The following DAB1 variants were observed in gnomAD, a reference collection of about 807,000 sequenced individuals.
DAB1 encodes the protein DAB adaptor protein 1.
In DAB1, 15 loss-of-function variants were observed where a neutral mutation model predicts 64.6. That is an observed-to-expected ratio of 0.23 (90% CI 0.16 to 0.36). The LOEUF is 0.36. Ranked by LOEUF, DAB1 falls within the 10% of genes least tolerant of loss-of-function variation. DAB1 has a pLI of 1.00. For synonymous variants in DAB1, 235 were observed against 251.9 expected (o/e 0.93, Z 0.64); for missense variants, 596 against 706.7 (o/e 0.84, Z 1.78).
intron 2 of DAB1, among the ~76,000 whole-genome samples, chr1:57,224,649 C>T: frequency 6.6e-6 from 1 of 152,226 alleles, no homozygotes; most frequent in East Asian, 1.9e-4. Context: ...TTCCCTTCAT[C>T]CTGGTTAACG....
intron 7 of DAB1, among the ~76,000 whole-genome samples, chr1:57,472,012 T>G (rs1172315300): frequency 6.6e-6 from 1 of 152,188 alleles, no homozygotes; most frequent in African/African-American, 2.4e-5. Context: ...GGAGAAAGAA[T>G]GATAGCAGTT....
At chr1:57,234,947 G>A (rs763074425) in intron 2 of DAB1, among the ~76,000 whole-genome samples, 2 of 152,156 alleles carry the variant, frequency 1.3e-5, no homozygotes, top group Admixed American at 1.3e-4. Flanking sequence ...TGTCTCTGAC[G>A]TCCTCTTATA....
chr1:57,712,646 T>C (rs1006684109), intron 6 of DAB1, among the ~76,000 whole-genome samples: 4 of 152,230 alleles, frequency 2.6e-5, no homozygotes, highest in African/African-American at 9.6e-5. Flanking sequence ...ATATAGTACA[T>C]GGGTAATTGT....
intron 1 of DAB1, chr1:58,534,114 C>G (rs1646479457): frequency 2.3e-6 from 2 of 867,034 alleles, no homozygotes; most frequent in Non-Finnish European, 4.0e-6. Flanking sequence ...AAAATAAGGA[C>G]AATAAATTTA....
chr1:57,012,335 T>G (rs764248988), intron 12 of DAB1, among the ~76,000 whole-genome samples: 1 of 152,238 alleles, frequency 6.6e-6, no homozygotes, highest in Non-Finnish European at 1.5e-5. Flanking sequence ...GCACTTCCCA[T>G]TCATTATACA....
chr1:57,066,747 C>A (rs562134188), intron 8 of DAB1, among the ~76,000 whole-genome samples: 54 of 152,262 alleles, frequency 3.5e-4, no homozygotes, highest in African/African-American at 1.3e-3. Flanking sequence ...TACTATGAAC[C>A]AACTGCTCTC....
intron 5 of DAB1, among the ~76,000 whole-genome samples, chr1:57,915,052 A>G (rs1253267141): frequency 6.6e-6 from 1 of 151,932 alleles, no homozygotes; most frequent in Non-Finnish European, 1.5e-5. Flanking sequence ...AGCGAGGGCA[A>G]TTATAGAACT....
intron 1 of DAB1, among the ~76,000 whole-genome samples, chr1:57,828,003 T>C (rs966193684): frequency 6.6e-6 from 1 of 152,220 alleles, no homozygotes; most frequent in Admixed American, 6.5e-5. Context: ...TGGAGTGCAG[T>C]GGTGCGATCT....
chr1:58,408,973 T>G (rs1228217452), intron 3 of DAB1, among the ~76,000 whole-genome samples: 1 of 152,234 alleles, frequency 6.6e-6, no homozygotes, highest in East Asian at 1.9e-4. Context: ...ATACAAATCC[T>G]GTCTTCAGGA....
chr1:57,375,931 G>A lies in DAB1; in HGVS notation c.-137+47999C>T, dbSNP rs565684405. Among the ~76,000 whole-genome samples the A allele has an allele frequency of 2.6e-5, 4 of 152,210 alleles. No homozygotes were observed. In the South Asian group the frequency reaches 8.3e-4, roughly 32 times the overall value. ...GCTTCCAGGGATAGAAAGATGAATC[G>A]AGCATGGTTCCTGTCGTAAGGAAGT... On this transcript the variant is annotated intron_variant, in intron 1 of 14. Transcript: ENST00000371236.
chr1:57,129,102 C>T (rs1657417754), intron 4 of DAB1, among the ~76,000 whole-genome samples: 1 of 152,104 alleles, frequency 6.6e-6, no homozygotes, highest in East Asian at 1.9e-4. Context: ...AAAATACTAC[C>T]ACCATACCTT....
chr1:58,300,656 G>GA (rs1557726388), intron 4 of DAB1, among the ~76,000 whole-genome samples: 18 of 102,442 alleles, frequency 1.8e-4, no homozygotes, highest in African/African-American at 2.6e-4. Flanking sequence ...GAGGAAGGAA[G>GA]GAAGGAAGGA....
At chr1:57,888,724 G>A (rs1479859429), upstream of DAB1, among the ~76,000 whole-genome samples, 2 of 151,840 alleles carry the variant, frequency 1.3e-5, no homozygotes, top group Non-Finnish European at 2.9e-5. Context: ...GTGTTTTATC[G>A]CCAATAGAAT....
At chr1:58,539,089 T>G in intron 1 of DAB1, 1 of 872,942 alleles carries the variant, frequency 1.1e-6, no homozygotes, top group Non-Finnish European at 2.0e-6. Context: ...ACTATAAAAA[T>G]GAAAGTTTCC....
At chr1:58,089,549 A>T (rs1222435889) in intron 5 of DAB1, among the ~76,000 whole-genome samples, 2 of 152,224 alleles carry the variant, frequency 1.3e-5, no homozygotes, top group East Asian at 1.9e-4. Flanking sequence ...GAGCAATCTG[A>T]CCTTGTAAAA....
chr1:58,082,536 C>T (rs1557642430), intron 5 of DAB1, among the ~76,000 whole-genome samples: 2 of 152,050 alleles, frequency 1.3e-5, no homozygotes, highest in Admixed American at 6.5e-5. Flanking sequence ...GTGAGAAGGA[C>T]TCCAAGGGTG....
At chr1:57,382,581 T>C (rs1367771673) in intron 1 of DAB1, among the ~76,000 whole-genome samples, 2 of 152,102 alleles carry the variant, frequency 1.3e-5, no homozygotes, top group Non-Finnish European at 2.9e-5. Flanking sequence ...AAAGGGAGAA[T>C]CCATTTCCTT....
At chr1:57,052,361 C>A (rs565987817) in intron 9 of DAB1, among the ~76,000 whole-genome samples, 2 of 152,142 alleles carry the variant, frequency 1.3e-5, no homozygotes, top group African/African-American at 2.4e-5. Flanking sequence ...AGGATATCTC[C>A]TTTTCAGGGC....
At chr1:58,520,809 G>A (rs566313287) in intron 2 of DAB1, among the ~76,000 whole-genome samples, 4 of 151,868 alleles carry the variant, frequency 2.6e-5, no homozygotes, top group African/African-American at 9.7e-5. Flanking sequence ...AGATGTACAC[G>A]GCAAAAATTA....
Sources: allele counts gnomAD v4.1 joint callset (sites outside exome capture counted in the v4.1 genomes callset), GRCh38; gene constraint gnomAD v4.1.1; transcripts MANE v1.5; gene names NCBI Gene and HGNC (gene_info 2026-07-23, HGNC 2026-07-21).